TBC1D32: variants seen among roughly 807,000 people sequenced by gnomAD.
The protein encoded by TBC1D32 is protein broad-minded.
Under a neutral mutation model 170.3 loss-of-function variants are expected in TBC1D32, and 151 were observed. The observed-to-expected ratio is 0.89, with a 90% CI of 0.78 to 1.01. TBC1D32 has a LOEUF of 1.01. TBC1D32 is among the 50% of genes least tolerant of loss of function. The pLI is 0.00. For synonymous variants in TBC1D32, 498 were observed against 488.0 expected (o/e 1.02, Z -0.27); for missense variants, 1,464 against 1,457.1 (o/e 1.00, Z -0.08).
At chr6:121,315,212 C>G (rs1583715231) in intron 3 of TBC1D32, among the ~76,000 whole-genome samples, 1 of 152,242 alleles carries the variant, frequency 6.6e-6, no homozygotes, top group South Asian at 2.1e-4. Flanking sequence ...GGGTAAATTA[C>G]TTAACTATTA....
chr6:121,223,936 C>A (rs1166095834), intron 20 of TBC1D32, among the ~76,000 whole-genome samples: 2 of 152,146 alleles, frequency 1.3e-5, no homozygotes, highest in Non-Finnish European at 2.9e-5. Flanking sequence ...TTATTAAACA[C>A]AACTAGAATA....
chr6:121,160,782 T>C (rs994108221), intron 23 of TBC1D32, among the ~76,000 whole-genome samples, 166 bp downstream of exon 23: 3 of 152,224 alleles, frequency 2.0e-5, no homozygotes, highest in African/African-American at 7.2e-5. Context: ...AAAAATATTA[T>C]TTTAGTTTGA....
chr6:121,221,366 C>A (rs1265175511), intron 21 of TBC1D32, among the ~76,000 whole-genome samples: 1 of 152,126 alleles, frequency 6.6e-6, no homozygotes, highest in Non-Finnish European at 1.5e-5. Context: ...TGTTTTTGTG[C>A]CTGCTAACAT....
intron 30 of TBC1D32, among the ~76,000 whole-genome samples, chr6:121,092,345 G>C (rs1776914246): frequency 7.8e-6 from 1 of 128,438 alleles, no homozygotes; most frequent in Non-Finnish European, 1.6e-5. Context: ...GAGGAAAAGG[G>C]AAAAGATTTA....
At chr6:121,153,605 C>T (rs1784477588) in intron 24 of TBC1D32, among the ~76,000 whole-genome samples, 1 of 152,148 alleles carries the variant, frequency 6.6e-6, no homozygotes, top group African/African-American at 2.4e-5. Flanking sequence ...CCGCCCCTTC[C>T]CCCTGGGGCT....
intron 26 of TBC1D32, among the ~76,000 whole-genome samples, chr6:121,121,329 T>C (rs1056949258): frequency 1.3e-5 from 2 of 151,966 alleles, no homozygotes; most frequent in African/African-American, 4.8e-5. Flanking sequence ...ATGCGCAGAA[T>C]GTGTTTGGGC....
At chr6:121,220,141 C>A (rs77966508) in intron 21 of TBC1D32, among the ~76,000 whole-genome samples, 2,278 of 152,276 alleles carry the variant, frequency 0.015, 41 homozygotes, top group African/African-American at 0.044. Flanking sequence ...GAGTGTCTCT[C>A]ACTGTACATC....
chr6:121,208,927 G>C (rs1257535755), intron 21 of TBC1D32, among the ~76,000 whole-genome samples: 10 of 151,952 alleles, frequency 6.6e-5, no homozygotes, highest in Admixed American at 6.6e-4. Context: ...ATTAATAAAA[G>C]GGGAGAGGGT....
chr6:121,174,161 G>T (rs1201978327), intron 22 of TBC1D32, among the ~76,000 whole-genome samples: 1 of 151,982 alleles, frequency 6.6e-6, no homozygotes, highest in African/African-American at 2.4e-5. Context: ...TCATAGAAAT[G>T]AAAGTATAAT....
intron 24 of TBC1D32, 48 bp from the exon 25 acceptor site, chr6:121,131,800 C>T (rs1286861588): frequency 6.9e-7 from 1 of 1,440,826 alleles, no homozygotes; most frequent in Admixed American, 1.9e-5. Context: ...GCTAGATATA[C>T]TGAAAAATTA....
chr6:121,156,161 T>C (rs1176635073), intron 24 of TBC1D32, among the ~76,000 whole-genome samples: 6 of 151,896 alleles, frequency 4.0e-5, no homozygotes, highest in African/African-American at 7.2e-5. Context: ...TTTTGGTTGT[T>C]AGGCTTTGTA....
At chr6:121,225,969 T>C (rs1007525952) in intron 20 of TBC1D32, among the ~76,000 whole-genome samples, 1 of 152,122 alleles carries the variant, frequency 6.6e-6, no homozygotes, top group Admixed American at 6.6e-5. Context: ...ATGTTTTGAA[T>C]AGAAGAATGA....
intron 21 of TBC1D32, among the ~76,000 whole-genome samples, chr6:121,219,224 T>C (rs914178180): frequency 5.9e-5 from 9 of 152,098 alleles, no homozygotes; most frequent in African/African-American, 1.9e-4. Flanking sequence ...GAAAGCAAAC[T>C]ACAGTGTGGT....
chr6:121,100,424 G>C (rs1198256959), intron 30 of TBC1D32, among the ~76,000 whole-genome samples: 1 of 151,862 alleles, frequency 6.6e-6, no homozygotes, highest in African/African-American at 2.4e-5. Flanking sequence ...AGGTCTCTAA[G>C]GACTTGCTTT....
intron 13 of TBC1D32, among the ~76,000 whole-genome samples, chr6:121,282,639 T>C (rs1227572478): frequency 2.6e-5 from 4 of 151,780 alleles, no homozygotes; most frequent in Non-Finnish European, 4.4e-5. Context: ...GATGAGCATA[T>C]GGTCATTCTT....
intron 15 of TBC1D32, among the ~76,000 whole-genome samples, chr6:121,278,202 T>C (rs904596922): frequency 6.6e-6 from 1 of 152,124 alleles, no homozygotes; most frequent in African/African-American, 2.4e-5. Context: ...ATTAAACCAA[T>C]TCTGTGTCAT....
At position 121,161,074 on chromosome 6, in the gene TBC1D32, T is replaced by TC; in HGVS notation, c.2571-19dup. 1.3e-6 allele frequency: 2 copies of TC among 1,547,070 alleles called. No individual in the cohort carries two copies. The highest frequency in any genetic ancestry group is 1.8e-6 in the Non-Finnish European group (2 of 1,125,080). ...TAAAGTCCCTGAAAAAATAAATATA[T>TC]CACCTTTGTCATCCTTTTGATTGAA... On this transcript the variant is annotated intron_variant, in intron 22 of 31. Transcript: ENST00000398212.
chr6:121,126,805 T>C (rs1161462881), intron 25 of TBC1D32, among the ~76,000 whole-genome samples: 1 of 151,982 alleles, frequency 6.6e-6, no homozygotes, highest in Non-Finnish European at 1.5e-5. Context: ...TCTTTATGCA[T>C]AACAAAAAAA....
chr6:121,217,784 T>G (rs1794019493), intron 21 of TBC1D32, among the ~76,000 whole-genome samples: 2 of 152,128 alleles, frequency 1.3e-5, no homozygotes. Context: ...CATGTACCAC[T>G]GAAGCTAAAA....
Sources: allele counts gnomAD v4.1 joint callset (sites outside exome capture counted in the v4.1 genomes callset), GRCh38; gene constraint gnomAD v4.1.1; transcripts MANE v1.5; gene names NCBI Gene and HGNC (gene_info 2026-07-23, HGNC 2026-07-21).